TUSC3: variants seen among roughly 807,000 people sequenced by gnomAD.
TUSC3 encodes the protein tumor suppressor candidate 3.
A neutral mutation model predicts 44.8 loss-of-function variants in TUSC3; 45 were observed. The ratio of observed to expected loss-of-function variants is 1.00; its 90% CI spans 0.79 to 1.29. TUSC3 has a LOEUF of 1.29. Among genes scored for constraint, TUSC3 ranks in the 50% most tolerant of loss-of-function variants. The probability of loss-of-function intolerance (pLI) is 0.00; values close to 1 mark genes in which losing one functional copy is unlikely to be tolerated. For synonymous variants in TUSC3, 212 were observed against 152.9 expected (o/e 1.39, Z -2.85); for missense variants, 519 against 437.9 (o/e 1.19, Z -1.65).
chr8:15,845,084 A>G, the TUSC3 span, among the ~76,000 whole-genome samples: 3 of 152,228 alleles, frequency 2.0e-5, no homozygotes, highest in African/African-American at 7.2e-5. Flanking sequence ...GCCTATCTAA[A>G]AAGTTACTAA....
At chr8:15,567,010 T>G (rs1201946080) in intron 1 of TUSC3, among the ~76,000 whole-genome samples, 3 of 152,162 alleles carry the variant, frequency 2.0e-5, no homozygotes, top group African/African-American at 7.2e-5. Flanking sequence ...TACTATGTGC[T>G]CTTGGCTAAG....
At chr8:15,605,120 CA>C (rs1021758864) in intron 1 of TUSC3, among the ~76,000 whole-genome samples, 1 of 151,796 alleles carries the variant, frequency 6.6e-6, no homozygotes, top group African/African-American at 2.4e-5. Flanking sequence ...CTCATTTTCT[CA>C]AATAGCAGCC....
In TUSC3 at chr8:15,552,670, G is replaced by A. The variant is rs73538437; in HGVS notation, c.138+12102G>A. 9.9e-3 allele frequency among the ~76,000 whole-genome samples: 1,507 copies of A among 151,734 alleles called. 28 individuals are homozygous for A. The highest frequency in any genetic ancestry group is 0.034 in the African/African-American group (1,392 of 41,488). ...CAGGGTGGGGGAATAGTGGATTGAG[G>A]CCAGAGTGGAAGTGAGGATCAAATC... On this transcript the variant is annotated intron_variant, in intron 1 of 10. Transcript: ENST00000503731.
At chr8:15,472,701 G>T (rs1340767151) in intron 1 of TUSC3, among the ~76,000 whole-genome samples, 1 of 152,144 alleles carries the variant, frequency 6.6e-6, no homozygotes, top group African/African-American at 2.4e-5. Flanking sequence ...TCTTGCACTA[G>T]AAACCAGGTT....
intron 1 of TUSC3, among the ~76,000 whole-genome samples, chr8:15,453,756 C>A (rs533901863): frequency 1.3e-5 from 2 of 152,106 alleles, no homozygotes; most frequent in Non-Finnish European, 2.9e-5. Flanking sequence ...CAGAGCAGGG[C>A]GGGAGAGGGC....
chr8:15,438,444 TGCC>T (rs1420332379), intron 1 of TUSC3, among the ~76,000 whole-genome samples: 164 of 146,088 alleles, frequency 1.1e-3, no homozygotes, highest in Middle Eastern at 7.2e-3. Context: ...ATGTGCATGG[TGCC>T]TGGTATAGTC....
chr8:15,577,204 G>A (rs1353670524), intron 1 of TUSC3, among the ~76,000 whole-genome samples: 3 of 150,812 alleles, frequency 2.0e-5, no homozygotes, highest in Middle Eastern at 3.4e-3. Context: ...TGTAGATTCT[G>A]GATATTAGCC....
chr8:15,701,824 A>G (rs977153872), intron 6 of TUSC3, among the ~76,000 whole-genome samples: 3 of 152,154 alleles, frequency 2.0e-5, no homozygotes, highest in Non-Finnish European at 4.4e-5. Context: ...TCTTAAAGTA[A>G]GCTGTTTATC....
chr8:15,687,531 G>C (rs946519140), intron 6 of TUSC3, among the ~76,000 whole-genome samples: 1 of 151,998 alleles, frequency 6.6e-6, no homozygotes, highest in Non-Finnish European at 1.5e-5. Context: ...TGTTGTTGCC[G>C]CTCATTCCTT....
chr8:15,630,267 T>C (rs1805700732), intron 2 of TUSC3, among the ~76,000 whole-genome samples: 1 of 152,132 alleles, frequency 6.6e-6, no homozygotes, highest in Admixed American at 6.5e-5. Context: ...GTGTTGGAGA[T>C]TAATATATAA....
chr8:15,431,965 G>T (rs1472033333), intron 1 of TUSC3, among the ~76,000 whole-genome samples: 1 of 144,356 alleles, frequency 6.9e-6, no homozygotes, highest in Non-Finnish European at 1.5e-5. Flanking sequence ...TTCCAGGCAT[G>T]AATCTCACTT....
At chr8:15,535,120 A>T (rs1229464893) in intron 2 of TUSC3, among the ~76,000 whole-genome samples, 1 of 151,372 alleles carries the variant, frequency 6.6e-6, no homozygotes, top group Non-Finnish European at 1.5e-5. Flanking sequence ...TGTTTGTATG[A>T]TAACTTTTTA....
rs1804300879 is a variant in TUSC3, at chr8:15,601,909, A to T, written c.139-21171A>T. 4.5e-5 allele frequency among the ~76,000 whole-genome samples: 3 copies of T among 66,648 alleles called. No individual in the cohort carries two copies. In the South Asian group the frequency reaches 1.0e-3, roughly 23 times the overall value. The allele number at this position is 66,648 out of a possible 152,430, so 43.7% of individuals were successfully genotyped here. The stretch of plus-strand genomic sequence containing the variant: ...AATATATTCATATAATATTGTGGTT[A>T]TTTATGTATTTTTTTTTAGTTTCCA... On this transcript the variant is annotated intron_variant, in intron 1 of 10. Transcript: ENST00000503731.
chr8:15,817,295 C>A, the TUSC3 span, among the ~76,000 whole-genome samples: 2 of 151,910 alleles, frequency 1.3e-5, no homozygotes, highest in African/African-American at 2.4e-5. Context: ...ACTCTCTCCA[C>A]CACCTTAGAA....
intron 7 of TUSC3, chr8:15,733,300 T>C (rs768951577): frequency 2.8e-6 from 1 of 358,786 alleles, no homozygotes; most frequent in Non-Finnish European, 5.3e-6. Flanking sequence ...ATAAAGCATT[T>C]GTTGCAGGTA....
intron 2 of TUSC3, among the ~76,000 whole-genome samples, chr8:15,530,042 C>G (rs1467841113): frequency 7.5e-6 from 1 of 132,968 alleles, no homozygotes; most frequent in African/African-American, 3.3e-5. Context: ...GCCTCGGCCT[C>G]CCAAAGTGCT....
At chr8:15,845,440 A>C in the TUSC3 span, among the ~76,000 whole-genome samples, 1 of 152,178 alleles carries the variant, frequency 6.6e-6, no homozygotes, top group Non-Finnish European at 1.5e-5. Context: ...TCAGGGAGAG[A>C]GTGACCAAAT....
At chr8:15,448,838 T>C (rs1800147045) in intron 1 of TUSC3, among the ~76,000 whole-genome samples, 1 of 152,208 alleles carries the variant, frequency 6.6e-6, no homozygotes, top group African/African-American at 2.4e-5. Flanking sequence ...ACAGACTCTA[T>C]ATATGATGGT....
chr8:15,642,248 A>C (rs117761955), intron 2 of TUSC3, among the ~76,000 whole-genome samples: 2 of 152,156 alleles, frequency 1.3e-5, no homozygotes, highest in South Asian at 4.1e-4. Context: ...ATACTCAGAT[A>C]GTTAACTGGT....
Sources: gnomAD v4.1 joint callset for allele counts (sites outside exome capture counted in the v4.1 genomes callset) on GRCh38, gnomAD v4.1.1 for gene constraint, MANE v1.5 for transcripts, NCBI Gene and HGNC (gene_info 2026-07-23, HGNC 2026-07-21) for gene names.